ARL14EP: variants seen among roughly 807,000 people sequenced by gnomAD.
ARL14EP encodes ARF like GTPase 14 effector protein, also known as ARL14 effector protein.
ARL14EP carries 12 observed loss-of-function variants against 23.1 expected under a neutral mutation model. That is an observed-to-expected ratio of 0.52 (90% CI 0.33 to 0.84). The LOEUF is 0.84. Among genes scored for constraint, ARL14EP ranks in the 40% least tolerant of loss-of-function variants. The pLI, the probability that ARL14EP is intolerant of heterozygous loss-of-function variation, is 0.02. For missense variants in ARL14EP, 253 were observed against 307.3 expected, an observed-to-expected ratio of 0.82 and a Z score of 1.32; for synonymous variants, 97 against 102.0, an observed-to-expected ratio of 0.95 and a Z score of 0.29.
chr11:30,333,618 A>AAT (rs1437757534), intron 3 of ARL14EP, among the ~76,000 whole-genome samples: 1 of 151,892 alleles, frequency 6.6e-6, no homozygotes, highest in African/African-American at 2.4e-5. Flanking sequence ...TGTTCTCTAG[A>AAT]CTCTCTCCCT....
chr11:30,333,034 C>A, intron 3 of ARL14EP, 41 bp downstream of exon 3: 1 of 1,608,062 alleles, frequency 6.2e-7, no homozygotes, highest in Non-Finnish European at 8.5e-7. Flanking sequence ...CTTGCTGCTT[C>A]ACATCTGCAT....
intron 1 of ARL14EP, among the ~76,000 whole-genome samples, chr11:30,323,933 C>G (rs1179777429): frequency 6.6e-6 from 1 of 152,222 alleles, no homozygotes; most frequent in African/African-American, 2.4e-5. Flanking sequence ...TGAACCAAAT[C>G]TTTTCAATGG....
At chr11:30,325,729 A>AG (rs1268139400) in intron 1 of ARL14EP, among the ~76,000 whole-genome samples, 1 of 152,220 alleles carries the variant, frequency 6.6e-6, no homozygotes, top group South Asian at 2.1e-4. Context: ...GTAAGATGCT[A>AG]TAACCAGTTT....
chr11:30,327,029 C>G (rs189743138), intron 1 of ARL14EP, among the ~76,000 whole-genome samples: 1 of 152,238 alleles, frequency 6.6e-6, no homozygotes, highest in East Asian at 1.9e-4. Flanking sequence ...TTTTATTTGC[C>G]AAGTCTGGTG....
At chr11:30,330,333 CA>C (rs1437384635) in intron 1 of ARL14EP, 2 of 152,300 alleles carry the variant, frequency 1.3e-5, no homozygotes, top group African/African-American at 4.8e-5. Context: ...AAGGGGGTGG[CA>C]GTAGAATATC....
chr11:30,331,327 G>A lies in ARL14EP; in HGVS notation c.379G>A (p.Val127Met). ...ATGCACACAGATAATCAATGGAAGT[G>A]TGGATGTTGATACTGAAGACCGCCA... The part of the protein sequence containing the change: ...PKCTQIINGS[V>M]DVDTEDRQKR... The change falls in exon 2 of 4, where the codon GTG (valine) becomes ATG (methionine). Residue 127 changes from valine to methionine, a missense_variant. Transcript: ENST00000282032. The A allele has an allele frequency of 6.2e-7, 1 of 1,613,968 alleles. No individual in the cohort carries two copies. Among genetic ancestry groups the A allele is most frequent in the Non-Finnish European group, 8.5e-7 (1 of 1,179,876 alleles).
chr11:30,334,510 A>G (rs1222205), intron 3 of ARL14EP, among the ~76,000 whole-genome samples: 107,129 of 151,942 alleles, frequency 0.71, 38,198 homozygotes, highest in East Asian at 0.9. Context: ...CACCACGCCC[A>G]GCCAACAAAC....
rs1947336185 is a variant in ARL14EP at position 30,336,779 on chromosome 11, A to G, written c.767A>G (p.Asn256Ser). 3 of 1,613,904 alleles carry G rather than the reference A, an allele frequency of 1.9e-6. No homozygotes were observed. The highest frequency in any genetic ancestry group is 1.7e-5 in the Admixed American group (1 of 60,008). Reference protein sequence around the residue: ...IEIEGGEIIHNKHAG With the variant: ...IEIEGGEIIHSKHAG ...ATTGAAGGAGGAGAAATAATTCATA[A>G]TAAACATGCTGGATAATCTGCGGTA... Residue 256 changes from asparagine to serine, a missense_variant, in exon 4 of 4, where the codon AAT (asparagine) becomes AGT (serine). By Grantham distance (46) the Asn-to-Ser change is conservative. Transcript: ENST00000282032.
Position 30,331,095 on chromosome 11 carries a change from A to C in ARL14EP, c.147A>C (p.Thr49=). ...TACTTCAACTTAGAACTGGAATGAC[A>C]CTTTCTGGGAACAATACAATTTGCT... ...MLLLQLRTGM[T]LSGNNTICFH... Residue 49 remains threonine, a synonymous_variant, in exon 2 of 4, where the codon ACA becomes ACC. Coordinates refer to ENST00000282032, the MANE Select transcript of ARL14EP (RefSeq NM_152316.3). The C allele has an allele frequency of 6.2e-7, 1 of 1,613,952 alleles. No individual in the cohort carries two copies. Among genetic ancestry groups the C allele is most frequent in the Non-Finnish European group, 8.5e-7 (1 of 1,179,852 alleles).
chr11:30,336,353 T>G (rs1947331629), intron 3 of ARL14EP, among the ~76,000 whole-genome samples: 1 of 130,900 alleles, frequency 7.6e-6, no homozygotes, highest in South Asian at 2.7e-4. Flanking sequence ...TTTTTAGATT[T>G]GTCTCAACAC....
intron 1 of ARL14EP, among the ~76,000 whole-genome samples, chr11:30,327,065 A>G (rs959709775): frequency 2.0e-5 from 3 of 152,200 alleles, no homozygotes; most frequent in Non-Finnish European, 4.4e-5. Context: ...TCCAGTAAGT[A>G]GAGATCTTTG....
intron 2 of ARL14EP, 47 bp from the exon 3 acceptor site, chr11:30,332,819 T>C (rs752519318): frequency 3.1e-6 from 5 of 1,602,560 alleles, no homozygotes; most frequent in Middle Eastern, 1.7e-4. Context: ...GTTAATCTGT[T>C]GTCTGTTGTC....
intron 3 of ARL14EP, 87 bp downstream of exon 3, chr11:30,333,080 T>C: frequency 6.5e-7 from 1 of 1,535,302 alleles, no homozygotes; most frequent in South Asian, 1.2e-5. Flanking sequence ...TTGAATTTTC[T>C]GGGTTCATAT....
chr11:30,327,563 T>C (rs1042875573), intron 1 of ARL14EP, among the ~76,000 whole-genome samples: 1 of 152,036 alleles, frequency 6.6e-6, no homozygotes, highest in Non-Finnish European at 1.5e-5. Context: ...TAAAAACTGG[T>C]GATGATTACC....
intron 1 of ARL14EP, among the ~76,000 whole-genome samples, chr11:30,324,432 G>A (rs1181162955): frequency 6.6e-6 from 1 of 152,078 alleles, no homozygotes; most frequent in African/African-American, 2.4e-5. Flanking sequence ...TTAACATATT[G>A]GAACGGGTAT....
At chr11:30,331,446 T>G in intron 2 of ARL14EP, 72 bp downstream of exon 2, 1 of 1,600,364 alleles carries the variant, frequency 6.2e-7, no homozygotes, top group African/African-American at 1.3e-5. Flanking sequence ...TATAAGAAAA[T>G]CATATTTACA....
chr11:30,336,803 T>C lies in ARL14EP; in HGVS notation c.*8T>C. On this transcript the variant is annotated 3_prime_UTR_variant, in exon 4 of 4. Transcript: ENST00000282032. ...AATAAACATGCTGGATAATCTGCGGTACCAAACTATGGAGCCTTTAAAGGT... is the reference window on the plus strand; with the variant it reads ...AATAAACATGCTGGATAATCTGCGGCACCAAACTATGGAGCCTTTAAAGGT... The C allele has an allele frequency of 1.2e-6, 2 of 1,605,192 alleles. No individual in the cohort carries two copies. The highest frequency in any genetic ancestry group is 1.7e-6 in the Non-Finnish European group (2 of 1,171,872).
At chr11:30,325,396 G>A (rs771824674) in intron 1 of ARL14EP, among the ~76,000 whole-genome samples, 16 of 152,138 alleles carry the variant, frequency 1.1e-4, no homozygotes, top group Non-Finnish European at 1.9e-4. Context: ...TAAACAAGGG[G>A]GGATCCTTGA....
chr11:30,327,234 A>G (rs1399902695), intron 1 of ARL14EP, among the ~76,000 whole-genome samples: 1 of 152,188 alleles, frequency 6.6e-6, no homozygotes, highest in Non-Finnish European at 1.5e-5. Flanking sequence ...TACAGAGTCT[A>G]TTCCATTAGT....
Sources: gnomAD v4.1 joint callset for allele counts (sites outside exome capture counted in the v4.1 genomes callset) on GRCh38, gnomAD v4.1.1 for gene constraint, MANE v1.5 for transcripts, NCBI Gene and HGNC (gene_info 2026-07-23, HGNC 2026-07-21) for gene names.